The following PCDH15 variants were observed in gnomAD, a reference collection of about 807,000 sequenced individuals.
PCDH15 encodes the protein protocadherin related 15, also known as protocadherin-15.
A neutral mutation model predicts 178.5 loss-of-function variants in PCDH15; 129 were observed. The ratio of observed to expected loss-of-function variants is 0.72; its 90% confidence interval spans 0.63 to 0.84. The LOEUF (loss-of-function observed/expected upper bound fraction) is 0.84, where lower values mean the gene tolerates loss of function less well. Among genes scored for constraint, PCDH15 ranks in the 40% least tolerant of loss-of-function variants. The probability of loss-of-function intolerance (pLI) is 0.00; values close to 1 mark genes in which losing one functional copy is unlikely to be tolerated. For synonymous variants in PCDH15, 800 were observed against 732.0 expected (o/e 1.09, Z -1.50); for missense variants, 2,230 against 2,099.9 (o/e 1.06, Z -1.21).
upstream of PCDH15, among the ~76,000 whole-genome samples, chr10:55,320,541 C>T (rs1034376417): frequency 2.0e-5 from 3 of 152,156 alleles, no homozygotes; most frequent in Non-Finnish European, 4.4e-5. Flanking sequence ...CTGACATCAC[C>T]CATTGGAATA....
intron 2 of PCDH15, among the ~76,000 whole-genome samples, chr10:55,607,363 A>G (rs1164815319): frequency 2.7e-5 from 4 of 147,918 alleles, no homozygotes; most frequent in South Asian, 2.2e-4. Flanking sequence ...ATCTAGAACT[A>G]GAAATACCAT....
intron 2 of PCDH15, among the ~76,000 whole-genome samples, chr10:54,584,810 G>A (rs913224308): frequency 2.0e-5 from 3 of 152,018 alleles, no homozygotes; most frequent in African/African-American, 4.8e-5. Flanking sequence ...TCAGAATCAT[G>A]GCTGTAAATA....
intron 3 of PCDH15, among the ~76,000 whole-genome samples, chr10:54,473,921 T>C (rs1421809525): frequency 2.6e-5 from 4 of 151,840 alleles, no homozygotes; most frequent in Admixed American, 2.6e-4. Context: ...TTAAATTCTC[T>C]ATAAACATAA....
chr10:54,819,866 G>A (rs753812419), intron 3 of PCDH15, among the ~76,000 whole-genome samples: 5 of 151,900 alleles, frequency 3.3e-5, no homozygotes, highest in Admixed American at 6.6e-5. Context: ...TCTCTGTGAA[G>A]AAGAAGTGTA....
chr10:54,695,916 C>A (rs1426718531), intron 1 of PCDH15, among the ~76,000 whole-genome samples: 4 of 152,064 alleles, frequency 2.6e-5, no homozygotes, highest in South Asian at 2.1e-4. Context: ...ATTGACAATG[C>A]ACCTAGTCAC....
intron 1 of PCDH15, among the ~76,000 whole-genome samples, chr10:54,762,079 C>A (rs1379426575): frequency 6.6e-6 from 1 of 152,112 alleles, no homozygotes; most frequent in Admixed American, 6.5e-5. Flanking sequence ...CTCAGATATA[C>A]TCTCCAACTA....
chr10:53,950,749 T>C (rs1216849016), intron 23 of PCDH15, among the ~76,000 whole-genome samples: 1 of 152,222 alleles, frequency 6.6e-6, no homozygotes, highest in African/African-American at 2.4e-5. Context: ...TAATCTCAAG[T>C]AGTATGTGTT....
At chr10:54,665,987 G>C (rs1056532087) in intron 1 of PCDH15, among the ~76,000 whole-genome samples, 1 of 151,968 alleles carries the variant, frequency 6.6e-6, no homozygotes, top group Non-Finnish European at 1.5e-5. Context: ...CAGCTTACTA[G>C]TTATATGACT....
At chr10:55,197,940 T>C (rs1840139946) in intron 1 of PCDH15, among the ~76,000 whole-genome samples, 1 of 152,068 alleles carries the variant, frequency 6.6e-6, no homozygotes, top group African/African-American at 2.4e-5. Flanking sequence ...TCAATATTAG[T>C]GAAGTTATTT....
At chr10:55,373,423 C>T (rs765543602) in intron 2 of PCDH15, among the ~76,000 whole-genome samples, 7 of 151,844 alleles carry the variant, frequency 4.6e-5, no homozygotes, top group Non-Finnish European at 7.4e-5. Context: ...AATATAGGTG[C>T]AAATAGGGAT....
chr10:55,561,080 A>T (rs1044696470), intron 2 of PCDH15, among the ~76,000 whole-genome samples: 1 of 151,800 alleles, frequency 6.6e-6, no homozygotes, highest in African/African-American at 2.4e-5. Flanking sequence ...TATATATTTT[A>T]AAAATAACTC....
intron 8 of PCDH15, among the ~76,000 whole-genome samples, chr10:54,288,129 C>G (rs181184330): frequency 4.1e-4 from 62 of 152,068 alleles, no homozygotes; most frequent in Middle Eastern, 3.4e-3. Context: ...CAACACCAAC[C>G]TGGCCAACAT....
intron 2 of PCDH15, among the ~76,000 whole-genome samples, chr10:55,134,524 CTGTT>C (rs995550971): frequency 6.6e-6 from 1 of 152,100 alleles, no homozygotes; most frequent in African/African-American, 2.4e-5. Flanking sequence ...TGTATTTTGC[CTGTT>C]TATTTTCATC....
At chr10:55,365,918 C>G (rs957817307) in intron 2 of PCDH15, among the ~76,000 whole-genome samples, 10 of 152,008 alleles carry the variant, frequency 6.6e-5, no homozygotes, top group African/African-American at 2.4e-4. Flanking sequence ...ATCAGTAGTT[C>G]CCTTTCCACT....
intron 20 of PCDH15, among the ~76,000 whole-genome samples, chr10:54,006,527 T>C (rs539728177): frequency 6.6e-6 from 1 of 152,294 alleles, no homozygotes; most frequent in African/African-American, 2.4e-5. Flanking sequence ...TGTTTGAGTC[T>C]GGGACAACCT....
At chr10:55,204,139 G>A (rs1840329821) in intron 1 of PCDH15, among the ~76,000 whole-genome samples, 1 of 147,940 alleles carries the variant, frequency 6.8e-6, no homozygotes, top group Admixed American at 6.8e-5. Context: ...TATTAAATGT[G>A]TAATTTAAAT....
chr10:55,074,236 G>T (rs972315095), intron 2 of PCDH15, among the ~76,000 whole-genome samples: 2 of 152,126 alleles, frequency 1.3e-5, no homozygotes, highest in Admixed American at 1.3e-4. Flanking sequence ...CCAGTAATGG[G>T]ATTGCTGGGT....
chr10:55,591,855 G>A (rs1037559553), intron 2 of PCDH15, among the ~76,000 whole-genome samples: 39 of 152,052 alleles, frequency 2.6e-4, no homozygotes, highest in Non-Finnish European at 3.4e-4. Flanking sequence ...TTGAAGAGTC[G>A]TAAATTATTA....
At chr10:54,526,985 AGCACATACTTTAGAACAAAT>A (rs1175102974) in intron 3 of PCDH15, among the ~76,000 whole-genome samples, 1 of 152,176 alleles carries the variant, frequency 6.6e-6, no homozygotes, top group Non-Finnish European at 1.5e-5. Context: ...TGAAAGTGCA[AGCACATACTTTAGAACAAAT>A]ATTAGGTACA....
Sources: allele counts gnomAD v4.1 joint callset (sites outside exome capture counted in the v4.1 genomes callset), GRCh38; gene constraint gnomAD v4.1.1; transcripts MANE v1.5; gene names NCBI Gene and HGNC (gene_info 2026-07-23, HGNC 2026-07-21).